The following WDR72 variants were observed in gnomAD, a reference collection of about 807,000 sequenced individuals.
WDR72 encodes the protein WD repeat domain 72.
In WDR72, 120 loss-of-function variants were observed where a neutral mutation model predicts 124.2. The observed-to-expected ratio is 0.97, with a 90% confidence interval of 0.83 to 1.12. The LOEUF is 1.12. Among genes scored for constraint, WDR72 ranks in the 50% most tolerant of loss-of-function variants. WDR72 has a pLI of 0.00. For synonymous variants in WDR72, 452 were observed against 441.7 expected (o/e 1.02, Z -0.29); for missense variants, 1,387 against 1,278.8 (o/e 1.08, Z -1.29).
In WDR72 at chr15:53,644,537, T is replaced by C. The variant is rs1336134875; in HGVS notation, c.1962+21035A>G. On this transcript the variant is annotated intron_variant, in intron 14 of 19. Transcript: ENST00000360509. ...AATTTTATAGGGAGCCATAAGCATA[T>C]AGGTGTATACTAGTTATGAGAAGTA... Among the ~76,000 whole-genome samples the C allele has an allele frequency of 2.6e-5, 4 of 152,244 alleles. No individual in the cohort carries two copies. In the East Asian group the frequency reaches 5.8e-4, roughly 22 times the overall value.
At chr15:53,651,222 G>T (rs964062752) in intron 14 of WDR72, among the ~76,000 whole-genome samples, 1 of 152,106 alleles carries the variant, frequency 6.6e-6, no homozygotes, top group Non-Finnish European at 1.5e-5. Flanking sequence ...AAAGGCGGGA[G>T]AATCTCTGGT....
chr15:53,722,843 G>A lies in WDR72; in HGVS notation c.219C>T (p.Asp73=). ...TAACAATGTAGGGCTGTTTAGAGAA[G>A]TCCCTTGCTCTTGCCAAACATGTTA... ...ASVTCLARAR[D]FSKQPYIVSA... The change falls in exon 3 of 20, where the codon GAC becomes GAT. Residue 73 remains aspartate, a synonymous_variant. Transcript: ENST00000360509. 1 of 1,612,886 alleles carries A rather than the reference G, an allele frequency of 6.2e-7. No homozygotes were observed. Among genetic ancestry groups the A allele is most frequent in the Non-Finnish European group, 8.5e-7 (1 of 1,179,998 alleles).
chr15:53,691,665 AGATAGATAGAT>A (rs1197157855), intron 13 of WDR72, among the ~76,000 whole-genome samples: 8 of 104,626 alleles, frequency 7.6e-5, no homozygotes, highest in African/African-American at 2.7e-4. Flanking sequence ...ATAGATAGAT[AGATAGATAGAT>A]GTTTAACAAA....
At chr15:53,614,013 T>C (rs1226764926) in intron 15 of WDR72, among the ~76,000 whole-genome samples, 1 of 152,108 alleles carries the variant, frequency 6.6e-6, no homozygotes, top group Non-Finnish European at 1.5e-5. Flanking sequence ...CATCTTAGTT[T>C]GCCAGAATTA....
At chr15:53,750,568 T>C (rs2018749448) in intron 1 of WDR72, among the ~76,000 whole-genome samples, 2 of 152,214 alleles carry the variant, frequency 1.3e-5, no homozygotes, top group African/African-American at 4.8e-5. Flanking sequence ...ATTTAAGCTA[T>C]ACATTTTGTG....
rs552148377 is a variant in WDR72, at chr15:53,724,256, G to T, written c.154-1348C>A. ...TGGTGACTATAGTTACTACTATATGGTATACTTCAAATTTCCTGAGAGAGT... is the reference window on the plus strand; with the variant it reads ...TGGTGACTATAGTTACTACTATATGTTATACTTCAAATTTCCTGAGAGAGT... On this transcript the variant is annotated intron_variant, in intron 2 of 19. Coordinates refer to ENST00000360509, the MANE Select transcript of WDR72 (RefSeq NM_182758.4). Among the ~76,000 whole-genome samples the T allele has an allele frequency of 7.9e-5, 12 of 152,262 alleles. No individual in the cohort carries two copies. In the South Asian group the frequency reaches 2.5e-3, roughly 32 times the overall value.
chr15:53,663,837 T>A (rs2015688326), intron 14 of WDR72, among the ~76,000 whole-genome samples: 1 of 151,492 alleles, frequency 6.6e-6, no homozygotes, highest in Non-Finnish European at 1.5e-5. Context: ...TCAGTGTGGT[T>A]CAATTTCCCA....
intron 17 of WDR72, among the ~76,000 whole-genome samples, chr15:53,600,752 G>T (rs1446228110): frequency 6.6e-6 from 1 of 152,024 alleles, no homozygotes; most frequent in African/African-American, 2.4e-5. Flanking sequence ...TGTCTTTAGG[G>T]TGTCTCCTGG....
chr15:53,677,844 T>A (rs991067040), intron 13 of WDR72, among the ~76,000 whole-genome samples: 1 of 152,184 alleles, frequency 6.6e-6, no homozygotes, highest in African/African-American at 2.4e-5. Context: ...ATCATCAAAA[T>A]TGCCATTATC....
In WDR72 at chr15:53,550,178, C is replaced by T. The variant is rs115248630; in HGVS notation, c.3149-26856G>A. On this transcript the variant is annotated intron_variant, in intron 18 of 19. Coordinates refer to ENST00000360509, the MANE Select transcript of WDR72 (RefSeq NM_182758.4). ...GCTTCCCACTCTCATCAGTCTTGAC[C>T]AGGGATTGGCAAATGTTTTCTTAAA... Among the ~76,000 whole-genome samples the T allele has an allele frequency of 6.3e-3, 960 of 152,224 alleles. 12 individuals carry two copies. The highest frequency in any genetic ancestry group is 0.022 in the African/African-American group (915 of 41,542).
intron 18 of WDR72, among the ~76,000 whole-genome samples, chr15:53,575,006 A>AACACACACACACAC (rs3081214): frequency 6.1e-4 from 90 of 147,290 alleles, no homozygotes; most frequent in African/African-American, 2.2e-3. Context: ...AATCAAACAC[A>AACACACACACACAC]ACACACACAC....
In WDR72 at chr15:53,534,476, T is replaced by G. The variant is rs148942848; in HGVS notation, c.3149-11154A>C. Among the ~76,000 whole-genome samples the G allele has an allele frequency of 2.5e-3, 385 of 152,238 alleles. 2 individuals carry two copies. Among genetic ancestry groups the G allele is most frequent in the African/African-American group, 8.7e-3 (363 of 41,554 alleles). ...TCCTTATTCTCATAAATCATAAACT[T>G]AAATTTACCCTAGGGATTTTATTTC... On this transcript the variant is annotated intron_variant, in intron 18 of 19. Transcript: ENST00000360509.
At chr15:53,650,223 A>G (rs1567004857) in intron 14 of WDR72, among the ~76,000 whole-genome samples, 1 of 152,158 alleles carries the variant, frequency 6.6e-6, no homozygotes, top group Admixed American at 6.6e-5. Flanking sequence ...CCAATATGCA[A>G]TATCTGAAAT....
At chr15:53,548,762 C>T (rs1566955220) in intron 18 of WDR72, among the ~76,000 whole-genome samples, 1 of 151,816 alleles carries the variant, frequency 6.6e-6, no homozygotes, top group Non-Finnish European at 1.5e-5. Flanking sequence ...AGTTCTGACC[C>T]CTTAAAATGG....
In WDR72 at chr15:53,594,403, A is replaced by G. The variant is rs149723464; in HGVS notation, c.3148+2676T>C. The stretch of plus-strand genomic sequence containing the variant: ...AACAACATATACAATTTGCCATAAG[A>G]ATATTTTGCAAAATGACATATGTTG... On this transcript the variant is annotated intron_variant, in intron 18 of 19. Transcript: ENST00000360509. 2.2e-4 allele frequency among the ~76,000 whole-genome samples: 34 copies of G among 152,150 alleles called. No individual in the cohort carries two copies. The East Asian group carries it at 6.4e-3, about 29-fold the overall frequency.
At chr15:53,539,694 T>A (rs62005874) in intron 18 of WDR72, among the ~76,000 whole-genome samples, 29,124 of 148,676 alleles carry the variant, frequency 0.2, 2,907 homozygotes, top group Middle Eastern at 0.25. Flanking sequence ...ATACAGAAAG[T>A]GAGAGAGAAA....
intron 14 of WDR72, among the ~76,000 whole-genome samples, chr15:53,617,469 A>G (rs1353627034): frequency 6.6e-6 from 1 of 151,706 alleles, no homozygotes; most frequent in Non-Finnish European, 1.5e-5. Flanking sequence ...AATTTTCAAT[A>G]ATAAAAAAGG....
intron 14 of WDR72, among the ~76,000 whole-genome samples, chr15:53,622,854 C>A (rs2014053991): frequency 6.6e-6 from 1 of 152,004 alleles, no homozygotes; most frequent in Admixed American, 6.5e-5. Context: ...ATATGACTAG[C>A]CAAATATTTT....
At chr15:53,549,912 CAG>C (rs936480365) in intron 18 of WDR72, among the ~76,000 whole-genome samples, 8 of 152,136 alleles carry the variant, frequency 5.3e-5, no homozygotes, top group African/African-American at 1.9e-4. Context: ...CAGGGTTTCC[CAG>C]AGTTATTTTG....
Sources: allele counts gnomAD v4.1 joint callset (sites outside exome capture counted in the v4.1 genomes callset), GRCh38; gene constraint gnomAD v4.1.1; transcripts MANE v1.5; gene names NCBI Gene and HGNC (gene_info 2026-07-23, HGNC 2026-07-21).